Variants in ZNF423 observed in about 807,000 individuals in gnomAD.
The protein encoded by ZNF423 is Ebf-associated zinc finger protein.
Under a neutral mutation model 95.8 loss-of-function variants are expected in ZNF423, and 12 were observed. The observed-to-expected ratio is 0.13, with a 90% confidence interval of 0.08 to 0.20. The LOEUF is 0.20. Among genes scored for constraint, ZNF423 ranks in the 10% least tolerant of loss-of-function variants. ZNF423 has a pLI of 1.00. For synonymous variants in ZNF423, 749 were observed against 711.9 expected (o/e 1.05, Z -0.83); for missense variants, 1,316 against 1,737.1 (o/e 0.76, Z 4.31).
chr16:49,641,596 C>T (rs1188958659), intron 3 of ZNF423, among the ~76,000 whole-genome samples: 3 of 152,194 alleles, frequency 2.0e-5, no homozygotes, highest in African/African-American at 7.2e-5. Flanking sequence ...TGCTCCTAAA[C>T]CTTTCACACC....
chr16:49,843,955 G>A (rs144640072), intron 1 of ZNF423, among the ~76,000 whole-genome samples: 29 of 152,282 alleles, frequency 1.9e-4, no homozygotes, highest in South Asian at 8.3e-4. Context: ...CAGGATGAGC[G>A]TCACAGGCAG....
chr16:49,811,016 T>A (rs931329759), intron 1 of ZNF423, among the ~76,000 whole-genome samples: 49 of 152,100 alleles, frequency 3.2e-4, no homozygotes, highest in Admixed American at 5.9e-4. Context: ...CTGATGCTGT[T>A]CAGCCCAGAG....
At chr16:49,701,772 C>G (rs557755702) in intron 3 of ZNF423, among the ~76,000 whole-genome samples, 3 of 152,134 alleles carry the variant, frequency 2.0e-5, no homozygotes, top group Non-Finnish European at 4.4e-5. Flanking sequence ...TTTACTGTAG[C>G]GTTCTAGAAG....
intron 5 of ZNF423, among the ~76,000 whole-genome samples, chr16:49,525,974 G>A (rs886661274): frequency 2.0e-5 from 3 of 152,234 alleles, no homozygotes; most frequent in Non-Finnish European, 2.9e-5. Flanking sequence ...TGGTGGTGGG[G>A]TAGACAGATG....
At chr16:49,783,930 A>C (rs1358210978) in intron 2 of ZNF423, among the ~76,000 whole-genome samples, 2 of 150,732 alleles carry the variant, frequency 1.3e-5, no homozygotes, top group Non-Finnish European at 3.0e-5. Context: ...AGATGGTGCC[A>C]CTACACTCCA....
At chr16:49,815,181 G>T (rs1227318121) in intron 1 of ZNF423, among the ~76,000 whole-genome samples, 1 of 152,148 alleles carries the variant, frequency 6.6e-6, no homozygotes, top group African/African-American at 2.4e-5. Context: ...GCCTACCTTA[G>T]TGGGAGAATA....
At chr16:49,824,104 G>A (rs1040264524) in intron 1 of ZNF423, among the ~76,000 whole-genome samples, 1 of 151,992 alleles carries the variant, frequency 6.6e-6, no homozygotes, top group Non-Finnish European at 1.5e-5. Flanking sequence ...AATCCAAAAG[G>A]GTAGTTTTTC....
chr16:49,519,769 T>C (rs1968313446), intron 7 of ZNF423, among the ~76,000 whole-genome samples: 1 of 152,206 alleles, frequency 6.6e-6, no homozygotes, highest in Non-Finnish European at 1.5e-5. Context: ...CTGCTTGGTT[T>C]CCCATCATGA....
intron 3 of ZNF423, among the ~76,000 whole-genome samples, chr16:49,641,134 A>G (rs1342390531): frequency 6.6e-6 from 1 of 152,194 alleles, no homozygotes; most frequent in Non-Finnish European, 1.5e-5. Flanking sequence ...ACAACTGCAA[A>G]TGAGTGGCCA....
chr16:49,831,425 A>T (rs1056151674), intron 1 of ZNF423, among the ~76,000 whole-genome samples: 5 of 152,298 alleles, frequency 3.3e-5, no homozygotes, highest in African/African-American at 1.2e-4. Flanking sequence ...AGTATCTCCA[A>T]TTATTTACCA....
intron 7 of ZNF423, among the ~76,000 whole-genome samples, chr16:49,519,061 C>T (rs926816235): frequency 2.6e-5 from 4 of 152,152 alleles, no homozygotes; most frequent in African/African-American, 9.7e-5. Flanking sequence ...CAGACCCTGT[C>T]ACTTAAAAAA....
chr16:49,601,679 C>A (rs1158820756), intron 5 of ZNF423, among the ~76,000 whole-genome samples: 1 of 152,208 alleles, frequency 6.6e-6, no homozygotes, highest in East Asian at 1.9e-4. Context: ...GGGGTCTGCG[C>A]TGCACAGCAA....
At chr16:49,780,276 G>C (rs1340573719) in intron 2 of ZNF423, among the ~76,000 whole-genome samples, 3 of 152,188 alleles carry the variant, frequency 2.0e-5, no homozygotes, top group Admixed American at 2.0e-4. Flanking sequence ...GGAGCCCAAT[G>C]GGGGCCCCAA....
intron 3 of ZNF423, among the ~76,000 whole-genome samples, chr16:49,658,174 T>C (rs533990529): frequency 6.6e-6 from 1 of 152,230 alleles, no homozygotes; most frequent in Non-Finnish European, 1.5e-5. Flanking sequence ...CCTGCTGCCC[T>C]GGCCCATACT....
At chr16:49,577,517 G>C (rs562664294) in intron 5 of ZNF423, among the ~76,000 whole-genome samples, 198 of 152,150 alleles carry the variant, frequency 1.3e-3, no homozygotes, top group African/African-American at 4.6e-3. Context: ...CACAAACAGA[G>C]AAAAGGAGGG....
At chr16:49,567,654 G>A (rs1213114786) in intron 5 of ZNF423, among the ~76,000 whole-genome samples, 1 of 152,222 alleles carries the variant, frequency 6.6e-6, no homozygotes. Flanking sequence ...AGCCCCAGTA[G>A]GGAGGATGCA....
At chr16:49,850,703 G>A (rs1339659898) in intron 1 of ZNF423, among the ~76,000 whole-genome samples, 11 of 152,228 alleles carry the variant, frequency 7.2e-5, no homozygotes, top group Non-Finnish European at 1.5e-4. Flanking sequence ...AGGAAATCCA[G>A]CCATCCTCTG....
intron 3 of ZNF423, among the ~76,000 whole-genome samples, chr16:49,678,252 T>C: frequency 6.6e-6 from 1 of 152,122 alleles, no homozygotes; most frequent in Non-Finnish European, 1.5e-5. Context: ...GCTACTATGC[T>C]GTTAGGACAT....
chr16:49,579,064 T>G (rs1970584058), intron 5 of ZNF423, among the ~76,000 whole-genome samples: 1 of 152,210 alleles, frequency 6.6e-6, no homozygotes, highest in Non-Finnish European at 1.5e-5. Context: ...TTCCCCAGGA[T>G]GCAGAGGGTG....
Sources: allele counts gnomAD v4.1 joint callset (sites outside exome capture counted in the v4.1 genomes callset), GRCh38; gene constraint gnomAD v4.1.1; transcripts MANE v1.5; gene names NCBI Gene and HGNC (gene_info 2026-07-23, HGNC 2026-07-21).